The following ARHGEF17 variants were observed in gnomAD, a reference collection of about 807,000 sequenced individuals.
ARHGEF17 encodes the protein 164 kDa Rho-specific guanine-nucleotide exchange factor.
In ARHGEF17, 80 loss-of-function variants were observed where a neutral mutation model predicts 174.0. The ratio of observed to expected loss-of-function variants is 0.46; its 90% CI spans 0.38 to 0.55. ARHGEF17 has a LOEUF of 0.55. Ranked by LOEUF, ARHGEF17 falls within the 20% of genes least tolerant of loss-of-function variation. The pLI, the probability that ARHGEF17 is intolerant of heterozygous loss-of-function variation, is 0.00. For synonymous variants in ARHGEF17, 1,311 were observed against 1,189.1 expected (o/e 1.10, Z -2.11); for missense variants, 2,886 against 2,839.7 (o/e 1.02, Z -0.37).
rs1864729322 is a variant in ARHGEF17 at position 73,308,535 on chromosome 11, G to A, written c.-104G>A. 1 of 1,038,062 alleles carries A rather than the reference G, an allele frequency of 9.6e-7. No individual in the cohort carries two copies. Among genetic ancestry groups the A allele is most frequent in the Non-Finnish European group, 1.3e-6 (1 of 776,018 alleles). 64.3% of individuals were successfully genotyped at this position (1,038,062 alleles called of 1,614,324 possible). A position where few individuals can be genotyped will look rare whatever the true frequency, so the allele number is the denominator to read the frequency against. ...CTGCGTCCTCTTCCCACACTCCCGT[G>A]CGCTGCTTTCGGCGTGGGCCGCTGC... On this transcript the variant is annotated 5_prime_UTR_variant, in exon 1 of 21. Transcript: ENST00000263674.
chr11:73,360,557 C>T (rs377551178), intron 11 of ARHGEF17, 24 bp downstream of exon 11: 3 of 1,612,202 alleles, frequency 1.9e-6, no homozygotes, highest in African/African-American at 1.3e-5. Context: ...CATGTTGGCC[C>T]TCTCCTCCTA....
At chr11:73,349,231 A>C (rs991173920) in intron 2 of ARHGEF17, among the ~76,000 whole-genome samples, 12 of 152,196 alleles carry the variant, frequency 7.9e-5, no homozygotes, top group Admixed American at 7.2e-4. Context: ...GTGCGTCCTC[A>C]CTGGGTGATA....
At chr11:73,351,351 C>T (rs577126918) in intron 2 of ARHGEF17, among the ~76,000 whole-genome samples, 288 of 152,168 alleles carry the variant, frequency 1.9e-3, no homozygotes, top group Non-Finnish European at 3.2e-3. Flanking sequence ...GCAGTTACAG[C>T]GTAGGGCCAG....
intron 1 of ARHGEF17, among the ~76,000 whole-genome samples, chr11:73,340,392 C>T (rs1466193333): frequency 6.6e-6 from 1 of 152,134 alleles, no homozygotes; most frequent in African/African-American, 2.4e-5. Context: ...GACCTCAGGA[C>T]CTTGTTCTTG....
In ARHGEF17 at chr11:73,309,932, G is replaced by C; in HGVS notation, c.1294G>C (p.Ala432Pro). ...GAGEGLLRSQ[A>P]RTRAKGPGGT... ...TGGGGAAGGGCTCCTGCGGTCCCAG[G>C]CTCGAACCCGTGCCAAAGGACCTGG... is the stretch of plus-strand genomic sequence containing the variant. The change falls in exon 1 of 21, where the codon GCT becomes CCT. Residue 432 changes from alanine to proline, a missense_variant. Physicochemically the swap from Ala to Pro is conservative, Grantham distance 27. Coordinates refer to ENST00000263674, the MANE Select transcript of ARHGEF17 (RefSeq NM_014786.4). 4 of 1,613,590 alleles carry C rather than the reference G, an allele frequency of 2.5e-6. No individual in the cohort carries two copies. Among genetic ancestry groups the C allele is most frequent in the Non-Finnish European group, 3.4e-6 (4 of 1,179,918 alleles).
chr11:73,359,759 G>A, intron 9 of ARHGEF17, 75 bp from the exon 10 acceptor site: 1 of 1,251,706 alleles, frequency 8.0e-7, no homozygotes, highest in Non-Finnish European at 1.1e-6. Context: ...GCTATGCAGT[G>A]AGGGAAGGAG....
intron 1 of ARHGEF17, among the ~76,000 whole-genome samples, chr11:73,320,701 C>T (rs1405605689): frequency 1.4e-5 from 2 of 147,772 alleles, no homozygotes; most frequent in South Asian, 4.2e-4. Flanking sequence ...ACTCTCTCAA[C>T]CAGGCTAGGG....
At chr11:73,351,255 C>G (rs1440920269) in intron 2 of ARHGEF17, among the ~76,000 whole-genome samples, 1 of 152,198 alleles carries the variant, frequency 6.6e-6, no homozygotes, top group Non-Finnish European at 1.5e-5. Flanking sequence ...ACAAAACAAG[C>G]CAGATTTTTA....
At chr11:73,317,726 G>A (rs900082255) in intron 1 of ARHGEF17, among the ~76,000 whole-genome samples, 1 of 152,208 alleles carries the variant, frequency 6.6e-6, no homozygotes, top group Admixed American at 6.5e-5. Context: ...CTAATTCTCA[G>A]CTCCCAGGGT....
rs753054040 is a variant in ARHGEF17, at chr11:73,365,568, C to G, written c.5725+4C>G. 3.1e-6 allele frequency: 5 copies of G among 1,613,894 alleles called. No homozygotes were observed. The highest frequency in any genetic ancestry group is 4.2e-6 in the Non-Finnish European group (5 of 1,179,938). ...CCCGTGCACAGGATGCTGGCAGGTA[C>G]TGACCTCAAACTACCACAGCACCCT... On this transcript the variant is annotated splice_donor_region_variant and intron_variant, in intron 19 of 20. Transcript: ENST00000263674. This position sits in a 1 kb window ranked among gnomAD's most constrained non-coding sequence, Gnocchi z 4.9.
Position 73,311,483 on chromosome 11 carries a change from C to A in ARHGEF17, c.2845C>A (p.Arg949=). 3.7e-6 allele frequency: 6 copies of A among 1,613,168 alleles called. No homozygotes were observed. Among genetic ancestry groups the A allele is most frequent in the Non-Finnish European group, 5.1e-6 (6 of 1,180,042 alleles). ...TCAGGACCAGACTGGCAGCCTGTCT[C>A]GGGCCCGGCCCTCCTCCAGACACGT... ...GSQDQTGSLS[R]ARPSSRHVRH... is the part of the protein sequence containing the mutation. The change falls in exon 1 of 21, where the codon CGG becomes AGG. Residue 949 remains arginine, a synonymous_variant. Coordinates refer to ENST00000263674, the MANE Select transcript of ARHGEF17 (RefSeq NM_014786.4).
chr11:73,324,529 G>C (rs939898643), intron 1 of ARHGEF17, among the ~76,000 whole-genome samples: 8 of 152,230 alleles, frequency 5.3e-5, no homozygotes, highest in African/African-American at 1.7e-4. Flanking sequence ...GGCACTGATT[G>C]GGGGTGGGAT....
At position 73,367,784 on chromosome 11, in the gene ARHGEF17, T is replaced by G; in HGVS notation, c.*4T>G. The stretch of plus-strand genomic sequence containing the variant: ...CCTCCTCCTGTGGAGGGTGTGACCC[T>G]GTCTGCCGTGGCCCAGGACTCGCCC... On this transcript the variant is annotated 3_prime_UTR_variant, in exon 21 of 21. Transcript: ENST00000263674. 1.2e-6 allele frequency: 2 copies of G among 1,604,196 alleles called. No homozygotes were observed. The highest frequency in any genetic ancestry group is 1.7e-6 in the Non-Finnish European group (2 of 1,172,730).
At chr11:73,343,791 T>C (rs1033886693) in intron 1 of ARHGEF17, among the ~76,000 whole-genome samples, 2 of 152,122 alleles carry the variant, frequency 1.3e-5, no homozygotes, top group African/African-American at 4.8e-5. Flanking sequence ...TGTCTTTGTG[T>C]GTCTCTGGGC....
chr11:73,340,025 C>T (rs7102197), intron 1 of ARHGEF17, among the ~76,000 whole-genome samples: 12,678 of 152,180 alleles, frequency 0.083, 1,709 homozygotes, highest in African/African-American at 0.28. Flanking sequence ...CTCAGAGGAA[C>T]AATAGCAGAA....
At chr11:73,348,876 G>T (rs575530921) in intron 2 of ARHGEF17, among the ~76,000 whole-genome samples, 17 of 152,272 alleles carry the variant, frequency 1.1e-4, no homozygotes, top group African/African-American at 3.6e-4. Flanking sequence ...GTCAGGGAGG[G>T]CTTCCCTGGG....
rs1035909002 is a variant in ARHGEF17 at position 73,357,188 on chromosome 11, T to C, written c.4001+54T>C. ...TGCCAACAGGGGGAGCATTTGTCCCTCTCTGAGCCCCACTCCCCGACCCTG... is the reference window on the plus strand; with the variant it reads ...TGCCAACAGGGGGAGCATTTGTCCCCCTCTGAGCCCCACTCCCCGACCCTG... On this transcript the variant is annotated intron_variant, in intron 8 of 20. Coordinates refer to ENST00000263674, the MANE Select transcript of ARHGEF17 (RefSeq NM_014786.4). 6.8e-6 allele frequency: 11 copies of C among 1,612,608 alleles called. No individual in the cohort carries two copies. In the African/African-American group the frequency reaches 1.2e-4, roughly 18 times the overall value.
intron 3 of ARHGEF17, among the ~76,000 whole-genome samples, chr11:73,355,043 C>T (rs1020650233): frequency 2.0e-5 from 3 of 152,168 alleles, no homozygotes; most frequent in African/African-American, 7.2e-5. Flanking sequence ...GGAGTACTTC[C>T]GAGAGGAGGC....
rs1465375882 is a variant in ARHGEF17 at position 73,329,360 on chromosome 11, TATATATA to T, written c.3193-17522_3193-17516del. ...ATATATATATATATATATATATATA[TATATATA>T]TATATATTTTTTTTTTTTTTTTGTA... On this transcript the variant is annotated intron_variant, in intron 1 of 20. Coordinates refer to ENST00000263674, the MANE Select transcript of ARHGEF17 (RefSeq NM_014786.4). Among the ~76,000 whole-genome samples, 18 of 19,934 alleles carry T rather than the reference TATATATA, an allele frequency of 9.0e-4. 1 individual carries two copies. The highest frequency in any genetic ancestry group is 3.9e-3 in the African/African-American group (15 of 3,862). The allele number at this position is 19,934 out of a possible 152,430, so 13.1% of individuals were successfully genotyped here. A position where few individuals can be genotyped will look rare whatever the true frequency, so the allele number is the denominator to read the frequency against.
Sources: allele counts gnomAD v4.1 joint callset (sites outside exome capture counted in the v4.1 genomes callset), GRCh38; gene constraint gnomAD v4.1.1; non-coding constraint Gnocchi (gnomAD v3.1); transcripts MANE v1.5; gene names NCBI Gene and HGNC (gene_info 2026-07-23, HGNC 2026-07-21).